Variants in TBC1D30 observed in about 807,000 individuals in gnomAD.
TBC1D30 encodes the protein TBC1 domain family, member 30.
TBC1D30 carries 31 observed loss-of-function variants against 63.2 expected under a neutral mutation model. That is an observed-to-expected ratio of 0.49 (90% CI 0.37 to 0.66). The LOEUF (loss-of-function observed/expected upper bound fraction) is 0.66. TBC1D30 is among the 30% of genes least tolerant of loss of function. TBC1D30 has a pLI of 0.00. For missense variants in TBC1D30, 810 were observed against 953.6 expected (o/e 0.85, Z 1.98); for synonymous variants, 307 against 361.5 (o/e 0.85, Z 1.71).
At chr12:64,833,362 A>C (rs1045661752) in intron 5 of TBC1D30, among the ~76,000 whole-genome samples, 2 of 152,216 alleles carry the variant, frequency 1.3e-5, no homozygotes, top group Non-Finnish European at 2.9e-5. Flanking sequence ...CACCAGAAAT[A>C]GAGTGCTTAT....
At chr12:64,839,568 G>A (rs1875659770) in intron 7 of TBC1D30, among the ~76,000 whole-genome samples, 1 of 152,204 alleles carries the variant, frequency 6.6e-6, no homozygotes, top group South Asian at 2.1e-4. Flanking sequence ...TAAATGACGA[G>A]TGGGTTCCCA....
intron 2 of TBC1D30, among the ~76,000 whole-genome samples, chr12:64,796,458 A>C (rs554965907): frequency 2.6e-5 from 4 of 152,122 alleles, no homozygotes; most frequent in Non-Finnish European, 5.9e-5. Flanking sequence ...CTTACGTGAG[A>C]GAAGTATTAT....
chr12:64,787,603 G>A (rs551270886), intron 2 of TBC1D30, among the ~76,000 whole-genome samples: 1 of 151,940 alleles, frequency 6.6e-6, no homozygotes, highest in Non-Finnish European at 1.5e-5. Flanking sequence ...GAAATTAATC[G>A]CTTAAATTTC....
chr12:64,799,644 A>T (rs973986669), intron 2 of TBC1D30, among the ~76,000 whole-genome samples: 3 of 152,236 alleles, frequency 2.0e-5, no homozygotes, highest in Admixed American at 2.0e-4. Flanking sequence ...ATGCAAGAAG[A>T]GTGCTCTTCC....
rs188948411 is a variant in TBC1D30 at position 64,766,105 on chromosome 12, G to T, written c.-376+6456G>T. 3.3e-5 allele frequency among the ~76,000 whole-genome samples: 5 copies of T among 152,120 alleles called. No individual in the cohort carries two copies. The East Asian group carries it at 7.7e-4, about 23-fold the overall frequency. ...TAAGAGATGATTAAACAATATGGGG[G>T]GGAGATAAGTCAACTTGAAGGTATA... On this transcript the variant is annotated intron_variant, in intron 1 of 13. Coordinates refer to the TBC1D30 transcript ENST00000674237.
intron 1 of TBC1D30, among the ~76,000 whole-genome samples, chr12:64,762,345 A>G (rs1419328410): frequency 6.6e-6 from 1 of 152,242 alleles, no homozygotes; most frequent in East Asian, 1.9e-4. Context: ...TGTAAGATAA[A>G]TATAATCATA....
In TBC1D30 at chr12:64,845,455, G is replaced by A. The variant is rs74665317; in HGVS notation, c.1038+1970G>A. Among the ~76,000 whole-genome samples, 18 of 152,228 alleles carry A rather than the reference G, an allele frequency of 1.2e-4. 1 individual carries two copies. Among genetic ancestry groups the A allele is most frequent in the African/African-American group, 2.9e-4 (12 of 41,544 alleles). On this transcript the variant is annotated intron_variant, in intron 8 of 11. Coordinates refer to ENST00000539867, the MANE Select transcript of TBC1D30 (RefSeq NM_015279.2). ...ACAATTGCTCCTGGGGGCTGAGCGCGGTGGCTCATGCCTGTAATCCCAGCG... is the reference window on the plus strand; with the variant it reads ...ACAATTGCTCCTGGGGGCTGAGCGCAGTGGCTCATGCCTGTAATCCCAGCG...
chr12:64,791,615 A>C (rs1212540690), intron 2 of TBC1D30, among the ~76,000 whole-genome samples: 3 of 152,002 alleles, frequency 2.0e-5, no homozygotes, highest in Non-Finnish European at 4.4e-5. Flanking sequence ...CCTGGGCCCA[A>C]GTGATTCTCC....
At chr12:64,788,858 A>G (rs374320051) in intron 2 of TBC1D30, among the ~76,000 whole-genome samples, 85 of 152,272 alleles carry the variant, frequency 5.6e-4, no homozygotes, top group African/African-American at 2.0e-3. Flanking sequence ...TCATCACAGG[A>G]TACTGTATTT....
rs911977913 is a variant in TBC1D30 at position 64,878,275 on chromosome 12, A to G, written c.*2487A>G. 6.1e-6 allele frequency: 2 copies of G among 330,322 alleles called. No individual in the cohort carries two copies. The highest frequency in any genetic ancestry group is 1.2e-5 in the Non-Finnish European group (2 of 165,958). 20.5% of individuals were successfully genotyped at this position (330,322 alleles called of 1,614,324 possible). A position where few individuals can be genotyped will look rare whatever the true frequency, so the allele number is the denominator to read the frequency against. On this transcript the variant is annotated 3_prime_UTR_variant, in exon 12 of 12. Coordinates refer to ENST00000539867, the MANE Select transcript of TBC1D30 (RefSeq NM_015279.2). ...TTATGAGCCTTGCCTACTTTAGAAA[A>G]TAAAGAAACCTGCAGTAGCCTCTAC...
At chr12:64,797,459 G>C (rs1872347664) in intron 2 of TBC1D30, among the ~76,000 whole-genome samples, 1 of 152,084 alleles carries the variant, frequency 6.6e-6, no homozygotes, top group African/African-American at 2.4e-5. Context: ...TTTTCACCTT[G>C]CAAAACCCCA....
intron 2 of TBC1D30, among the ~76,000 whole-genome samples, chr12:64,799,277 G>A (rs1375377773): frequency 1.3e-5 from 2 of 152,078 alleles, no homozygotes; most frequent in East Asian, 1.9e-4. Context: ...CAAGTTCCCC[G>A]ACCCCTCTGT....
chr12:64,858,052 A>G (rs889829524), intron 8 of TBC1D30, among the ~76,000 whole-genome samples: 2 of 152,156 alleles, frequency 1.3e-5, no homozygotes, highest in African/African-American at 4.8e-5. Context: ...TGGAGTTCAA[A>G]TCAGATATTG....
chr12:64,793,604 T>C (rs940802843), intron 2 of TBC1D30, among the ~76,000 whole-genome samples: 1 of 151,980 alleles, frequency 6.6e-6, no homozygotes, highest in Middle Eastern at 3.2e-3. Flanking sequence ...GAGGTTGCAA[T>C]GAGCCAAGAT....
chr12:64,807,753 T>A (rs964364114), intron 2 of TBC1D30, among the ~76,000 whole-genome samples: 7 of 152,174 alleles, frequency 4.6e-5, no homozygotes, highest in South Asian at 2.1e-4. Context: ...TTTAATTTTT[T>A]AAATTTTTTA....
At chr12:64,812,977 A>G (rs1043536498) in intron 2 of TBC1D30, among the ~76,000 whole-genome samples, 1 of 152,182 alleles carries the variant, frequency 6.6e-6, no homozygotes, top group Non-Finnish European at 1.5e-5. Context: ...GTGATCTTGC[A>G]TTAAATTTCT....
intron 8 of TBC1D30, among the ~76,000 whole-genome samples, chr12:64,861,801 A>C (rs1877813683): frequency 6.6e-6 from 1 of 152,128 alleles, no homozygotes; most frequent in Non-Finnish European, 1.5e-5. Context: ...CCTAACCCAA[A>C]GTGTTTGTGA....
intron 2 of TBC1D30, among the ~76,000 whole-genome samples, chr12:64,804,079 G>A (rs1872728418): frequency 6.6e-6 from 1 of 152,116 alleles, no homozygotes; most frequent in African/African-American, 2.4e-5. Flanking sequence ...AAATTACCTT[G>A]GGCAGTATGG....
Position 64,864,733 on chromosome 12 carries a change from C to A in TBC1D30, c.1104C>A (p.Tyr368Ter). 1 of 1,536,198 alleles carries A rather than the reference C, an allele frequency of 6.5e-7. No homozygotes were observed. Among genetic ancestry groups the A allele is most frequent in the African/African-American group, 1.4e-5 (1 of 73,146 alleles). ...QLAELREKYT[Y>*]NITPFPATVK... ...CAGAGTTGAGGGAAAAATACACCTA[C>A]AACATTACACCGTTCCCAGCCACAG... Residue 368 changes from tyrosine to a stop codon, truncating the protein, a stop_gained, in exon 9 of 12, where the codon TAC becomes TAA. Coordinates refer to ENST00000539867, the MANE Select transcript of TBC1D30 (RefSeq NM_015279.2). LOFTEE classifies it high-confidence loss of function.
Sources: allele counts gnomAD v4.1 joint callset (sites outside exome capture counted in the v4.1 genomes callset), GRCh38; gene constraint gnomAD v4.1.1; transcripts MANE v1.5; gene names NCBI Gene and HGNC (gene_info 2026-07-23, HGNC 2026-07-21).